ZHX3: variants seen among roughly 807,000 people sequenced by gnomAD.
ZHX3 encodes the protein zinc fingers and homeoboxes protein 3.
Under a neutral mutation model 64.5 loss-of-function variants are expected in ZHX3, and 20 were observed. That is an observed-to-expected ratio of 0.31 (90% confidence interval 0.22 to 0.45). ZHX3 has a LOEUF of 0.45. ZHX3 is among the 20% of genes least tolerant of loss of function. The pLI, the probability that ZHX3 is intolerant of heterozygous loss-of-function variation, is 1.00. For missense variants in ZHX3, 1,041 were observed against 1,195.8 expected, an observed-to-expected ratio of 0.87 and a Z score of 1.91; for synonymous variants, 423 against 461.6, an observed-to-expected ratio of 0.92 and a Z score of 1.07.
chr20:41,246,818 A>G (rs2041712755), intron 2 of ZHX3, among the ~76,000 whole-genome samples: 1 of 152,002 alleles, frequency 6.6e-6, no homozygotes, highest in Non-Finnish European at 1.5e-5. Context: ...GGTTGCAGTG[A>G]GCCGAGACTG....
At chr20:41,231,576 T>A (rs1036984012) in intron 2 of ZHX3, among the ~76,000 whole-genome samples, 2 of 152,248 alleles carry the variant, frequency 1.3e-5, no homozygotes, top group Non-Finnish European at 2.9e-5. Context: ...TTTTTGTATG[T>A]GGCTGACTTT....
chr20:41,303,792 G>A (rs531345255), intron 1 of ZHX3, among the ~76,000 whole-genome samples: 1 of 152,116 alleles, frequency 6.6e-6, no homozygotes, highest in African/African-American at 2.4e-5. Context: ...ACATGCTAGA[G>A]CCCCTCTCAT....
At chr20:41,310,368 C>G (rs966553884) in intron 1 of ZHX3, among the ~76,000 whole-genome samples, 2 of 152,184 alleles carry the variant, frequency 1.3e-5, no homozygotes, top group African/African-American at 4.8e-5. Context: ...CCCATTTATT[C>G]TTAGCAGACC....
chr20:41,247,260 C>A (rs375881328), intron 2 of ZHX3, among the ~76,000 whole-genome samples: 2 of 152,166 alleles, frequency 1.3e-5, no homozygotes, highest in South Asian at 2.1e-4. Flanking sequence ...AGAGGGAGAA[C>A]CTGTTTCAAA....
intron 1 of ZHX3, among the ~76,000 whole-genome samples, chr20:41,298,079 T>G (rs1479425554): frequency 2.0e-5 from 3 of 152,200 alleles, no homozygotes; most frequent in Non-Finnish European, 4.4e-5. Context: ...CCAATTCTTT[T>G]TTTTTTTATT....
intron 1 of ZHX3, among the ~76,000 whole-genome samples, chr20:41,297,962 T>C (rs2044620274): frequency 6.6e-6 from 1 of 152,208 alleles, no homozygotes; most frequent in Non-Finnish European, 1.5e-5. Context: ...AAGTTTCATC[T>C]ATTTCTATTG....
intron 2 of ZHX3, among the ~76,000 whole-genome samples, chr20:41,223,426 G>A (rs2040076745): frequency 6.6e-6 from 1 of 152,210 alleles, no homozygotes; most frequent in Non-Finnish European, 1.5e-5. Context: ...ATCAACAGGA[G>A]ATAATCAAAT....
chr20:41,280,710 C>T (rs766128734), intron 1 of ZHX3, among the ~76,000 whole-genome samples: 4 of 151,890 alleles, frequency 2.6e-5, no homozygotes, highest in Non-Finnish European at 4.4e-5. Flanking sequence ...AGCCACTGCA[C>T]CAGGCCAAAA....
In ZHX3 at chr20:41,266,870, T is replaced by A. The variant is rs1165206172; in HGVS notation, c.-151+2120A>T. On this transcript the variant is annotated intron_variant, in intron 2 of 3. Transcript: ENST00000683867. Reference sequence around the variant, plus strand: ...TTTTTTTTTTTTTTTTTTTTTTTTTTAAGATGGAATCTCACTCTGTTGTCC... The same window carrying A: ...TTTTTTTTTTTTTTTTTTTTTTTTTAAAGATGGAATCTCACTCTGTTGTCC... 3.2e-5 allele frequency among the ~76,000 whole-genome samples: 4 copies of A among 126,054 alleles called. No individual in the cohort carries two copies. The South Asian group carries it at 1.2e-3, about 38-fold the overall frequency. The allele number at this position is 126,054 out of a possible 152,430, so 82.7% of individuals were successfully genotyped here. A position where few individuals can be genotyped will look rare whatever the true frequency, so the allele number is the denominator to read the frequency against.
Position 41,204,080 on chromosome 20 carries a change from T to C in ZHX3, c.837A>G (p.Pro279=), listed in dbSNP as rs1213569895. ...AQFLSLQQQP[P]VHAQHHVHQP... is the part of the protein sequence containing the mutation. ...GGTGGACATGGTGTTGGGCATGCACTGGGGGCTGCTGCTGGAGGGAGAGGA... is the reference window on the plus strand; with the variant it reads ...GGTGGACATGGTGTTGGGCATGCACCGGGGGCTGCTGCTGGAGGGAGAGGA... The change falls in exon 3 of 4, where the codon CCA becomes CCG. Residue 279 remains proline (P), a synonymous_variant. Coordinates refer to ENST00000683867, the MANE Select transcript of ZHX3 (RefSeq NM_001384317.1). The surrounding 1 kb of genome is among the most constrained non-coding windows in gnomAD (Gnocchi z 6.6). The C allele has an allele frequency of 8.7e-6, 14 of 1,610,156 alleles. No individual in the cohort carries two copies. Among genetic ancestry groups the C allele is most frequent in the Non-Finnish European group, 1.1e-5 (13 of 1,177,698 alleles).
chr20:41,299,055 G>A (rs1600665738), intron 1 of ZHX3, among the ~76,000 whole-genome samples: 1 of 152,256 alleles, frequency 6.6e-6, no homozygotes, highest in Middle Eastern at 3.4e-3. Context: ...CAATCCTAAT[G>A]TCTTATTTGG....
At chr20:41,288,994 A>G (rs2044082341) in intron 1 of ZHX3, among the ~76,000 whole-genome samples, 4 of 152,052 alleles carry the variant, frequency 2.6e-5, no homozygotes, top group Admixed American at 1.3e-4. Flanking sequence ...TCTAACAAAT[A>G]GTTTTTTCTT....
intron 1 of ZHX3, among the ~76,000 whole-genome samples, chr20:41,301,321 A>G (rs1036818389): frequency 1.3e-5 from 2 of 152,058 alleles, no homozygotes; most frequent in African/African-American, 4.8e-5. Context: ...TAAACTATAA[A>G]TCAGGCCATC....
In ZHX3 at chr20:41,201,286, C is replaced by G. The variant is rs1345217520; in HGVS notation, c.2860+771G>C. The G allele has an allele frequency of 7.7e-7, 1 of 1,302,028 alleles. No homozygotes were observed. Among genetic ancestry groups the G allele is most frequent in the Non-Finnish European group, 1.0e-6 (1 of 988,304 alleles). 80.7% of individuals were successfully genotyped at this position (1,302,028 alleles called of 1,614,324 possible). ...AATACTCCGCCCTCCTGGCTCTCAC[C>G]TGAGCTTCTGGCTGCCCTCTGATGG... On this transcript the variant is annotated intron_variant, in intron 3 of 3. Coordinates refer to ENST00000683867, the MANE Select transcript of ZHX3 (RefSeq NM_001384317.1). This position sits in a 1 kb window ranked among gnomAD's most constrained non-coding sequence, Gnocchi z 5.0.
intron 2 of ZHX3, among the ~76,000 whole-genome samples, chr20:41,236,361 C>T (rs1460060048): frequency 6.6e-6 from 1 of 152,204 alleles, no homozygotes; most frequent in Admixed American, 6.5e-5. Flanking sequence ...TGCTACCTGA[C>T]TTCAAACTAT....
chr20:41,197,569 T>C (rs193280452), intron 3 of ZHX3, among the ~76,000 whole-genome samples: 35 of 151,932 alleles, frequency 2.3e-4, no homozygotes, highest in Admixed American at 1.7e-3. Flanking sequence ...ATATCTAACA[T>C]GAGTCTCTTA....
At chr20:41,293,434 T>G (rs1159314600) in intron 1 of ZHX3, among the ~76,000 whole-genome samples, 1 of 152,132 alleles carries the variant, frequency 6.6e-6, no homozygotes, top group Non-Finnish European at 1.5e-5. Flanking sequence ...TGAAGAACCC[T>G]CATCAAATCC....
chr20:41,236,889 G>C (rs2041035750), intron 2 of ZHX3, among the ~76,000 whole-genome samples: 1 of 152,046 alleles, frequency 6.6e-6, no homozygotes, highest in Non-Finnish European at 1.5e-5. Context: ...CTAATATCCA[G>C]AATCCACAAA....
intron 1 of ZHX3, among the ~76,000 whole-genome samples, chr20:41,316,496 A>C (rs1334772600): frequency 2.6e-5 from 4 of 152,234 alleles, no homozygotes. Flanking sequence ...ATAACAACAC[A>C]CAAGAACGTG....
Sources: allele counts gnomAD v4.1 joint callset (sites outside exome capture counted in the v4.1 genomes callset), GRCh38; gene constraint gnomAD v4.1.1; non-coding constraint Gnocchi (gnomAD v3.1); transcripts MANE v1.5; gene names NCBI Gene and HGNC (gene_info 2026-07-23, HGNC 2026-07-21).